Variants in CECR2 observed in about 807,000 individuals in gnomAD.
The protein encoded by CECR2 is CECR2 histone acetyl-lysine reader.
CECR2 carries 30 observed loss-of-function variants against 154.5 expected under a neutral mutation model. The ratio of observed to expected loss-of-function variants is 0.19; its 90% CI spans 0.15 to 0.26. CECR2 has a LOEUF of 0.26. CECR2 is among the 10% of genes least tolerant of loss of function. CECR2 has a pLI of 1.00. For missense variants in CECR2, 1,743 were observed against 1,829.3 expected (o/e 0.95, Z 0.86); for synonymous variants, 725 against 683.7 (o/e 1.06, Z -0.94).
intron 1 of CECR2, among the ~76,000 whole-genome samples, chr22:17,371,114 C>T (rs938605160): frequency 2.6e-5 from 4 of 152,154 alleles, no homozygotes; most frequent in African/African-American, 9.7e-5. Context: ...AGCTCTTTGC[C>T]TCACCTTTAT....
At chr22:17,410,970 ATAGG>A (rs997061377) in intron 1 of CECR2, among the ~76,000 whole-genome samples, 3 of 152,190 alleles carry the variant, frequency 2.0e-5, no homozygotes, top group Non-Finnish European at 4.4e-5. Flanking sequence ...AGGTCATATA[ATAGG>A]TAGTGAGTTG....
chr22:17,475,401 C>T (rs901482157), intron 1 of CECR2, among the ~76,000 whole-genome samples: 5 of 152,084 alleles, frequency 3.3e-5, no homozygotes, highest in African/African-American at 1.2e-4. Context: ...CACTGATTTG[C>T]TTAGTGCCCT....
At position 17,549,260 on chromosome 22, in the gene CECR2, C is replaced by CT. The variant is rs757670270; in HGVS notation, c.3974dup (p.Ser1326GlufsTer86). ...GTATCTCTATGGAACTCCTCCGCCTCTGAGTTCAGGAATGGGATTTGGTTC... is the reference window on the plus strand; with the variant it reads ...GTATCTCTATGGAACTCCTCCGCCTCTTGAGTTCAGGAATGGGATTTGGTTC... On this transcript the variant is annotated frameshift_variant, in exon 17 of 19. Coordinates refer to ENST00000262608, the MANE Select transcript of CECR2 (RefSeq NM_001290047.2). LOFTEE classifies it high-confidence loss of function. 2 of 1,614,032 alleles carry CT rather than the reference C, an allele frequency of 1.2e-6. No homozygotes were observed. Among genetic ancestry groups the CT allele is most frequent in the Non-Finnish European group, 1.7e-6 (2 of 1,179,910 alleles).
At chr22:17,443,107 C>A (rs765481075) in intron 1 of CECR2, among the ~76,000 whole-genome samples, 2 of 152,068 alleles carry the variant, frequency 1.3e-5, no homozygotes, top group Admixed American at 6.5e-5. Flanking sequence ...TGCTTCTGAG[C>A]GTCTCTTCCT....
chr22:17,463,857 G>A (rs1008985422), intron 1 of CECR2, among the ~76,000 whole-genome samples: 1 of 151,896 alleles, frequency 6.6e-6, no homozygotes, highest in Non-Finnish European at 1.5e-5. Context: ...GCAAGAGCAG[G>A]GAAAAGAAGA....
At chr22:17,541,791 T>C in intron 14 of CECR2, 48 bp from the exon 15 acceptor site, 1 of 1,569,144 alleles carries the variant, frequency 6.4e-7, no homozygotes, top group Non-Finnish European at 8.6e-7. Flanking sequence ...CAACCTAAAG[T>C]CTGTGCCTTT....
chr22:17,518,120 T>C (rs2056091070), intron 8 of CECR2, among the ~76,000 whole-genome samples: 1 of 147,808 alleles, frequency 6.8e-6, no homozygotes. Context: ...GATCATCCCA[T>C]CAGTCTCTTC....
intron 9 of CECR2, 115 bp downstream of exon 9, chr22:17,524,386 T>TG: frequency 2.2e-6 from 2 of 916,048 alleles, no homozygotes; most frequent in Non-Finnish European, 3.1e-6. Context: ...TCCGGCAATT[T>TG]CTTTTTTTTT....
chr22:17,478,224 C>G (rs1050788006), intron 2 of CECR2, among the ~76,000 whole-genome samples: 1 of 152,064 alleles, frequency 6.6e-6, no homozygotes, highest in Non-Finnish European at 1.5e-5. Context: ...CTATATAGGA[C>G]AGAACTACAG....
At chr22:17,382,923 A>AT (rs999803699) in intron 1 of CECR2, among the ~76,000 whole-genome samples, 3 of 149,776 alleles carry the variant, frequency 2.0e-5, no homozygotes, top group Non-Finnish European at 3.0e-5. Context: ...CAAAACAACT[A>AT]TTACTTAAAA....
intron 1 of CECR2, among the ~76,000 whole-genome samples, chr22:17,466,715 C>T (rs1482517231): frequency 6.6e-6 from 1 of 152,052 alleles, no homozygotes; most frequent in African/African-American, 2.4e-5. Flanking sequence ...CTGCCTCAGC[C>T]TCCTGAGTAG....
At chr22:17,380,852 A>C (rs1170226835) in intron 1 of CECR2, among the ~76,000 whole-genome samples, 18 of 152,192 alleles carry the variant, frequency 1.2e-4, no homozygotes, top group South Asian at 8.3e-4. Context: ...GGTTCCTTTT[A>C]ATGAACAGCC....
chr22:17,478,856 GTTGTAT>G (rs2055257022), intron 2 of CECR2, among the ~76,000 whole-genome samples: 1 of 152,090 alleles, frequency 6.6e-6, no homozygotes. Context: ...GAATACCCAG[GTTGTAT>G]TTGTAAATAA....
chr22:17,475,129 G>C (rs190319002), intron 1 of CECR2, among the ~76,000 whole-genome samples: 9 of 152,238 alleles, frequency 5.9e-5, no homozygotes, highest in East Asian at 1.9e-4. Context: ...GGAGCAGCGT[G>C]GGGGAGCTTG....
chr22:17,442,596 T>C (rs758531542), intron 1 of CECR2, among the ~76,000 whole-genome samples: 1 of 152,152 alleles, frequency 6.6e-6, no homozygotes, highest in African/African-American at 2.4e-5. Flanking sequence ...TCGCCCAGGC[T>C]GGAGTGCAGT....
At chr22:17,486,344 A>AAATAAAGTGG (rs1468708970) in intron 2 of CECR2, among the ~76,000 whole-genome samples, 1 of 152,228 alleles carries the variant, frequency 6.6e-6, no homozygotes, top group Non-Finnish European at 1.5e-5. Flanking sequence ...TTTGTTGCCA[A>AAATAAAGTGG]AATAAAGTGG....
chr22:17,465,774 C>T (rs918874192), intron 1 of CECR2, among the ~76,000 whole-genome samples: 2 of 152,140 alleles, frequency 1.3e-5, no homozygotes, highest in African/African-American at 2.4e-5. Context: ...TGAGCCATCA[C>T]GCCCAGCCTA....
At chr22:17,421,523 G>T (rs1265437408) in intron 1 of CECR2, among the ~76,000 whole-genome samples, 1 of 146,832 alleles carries the variant, frequency 6.8e-6, no homozygotes, top group Non-Finnish European at 1.5e-5. Context: ...GCTGAGGCAG[G>T]AGAATGGCGT....
chr22:17,533,557 G>GAGGC (rs2056392129), intron 9 of CECR2, among the ~76,000 whole-genome samples: 1 of 151,636 alleles, frequency 6.6e-6, no homozygotes, highest in African/African-American at 2.4e-5. Context: ...TTGAACCTGA[G>GAGGC]AGGCAGAGGC....
Sources: gnomAD v4.1 joint callset for allele counts (sites outside exome capture counted in the v4.1 genomes callset) on GRCh38, gnomAD v4.1.1 for gene constraint, MANE v1.5 for transcripts, NCBI Gene and HGNC (gene_info 2026-07-23, HGNC 2026-07-21) for gene names.